The following MKX variants were observed in gnomAD, a reference collection of about 807,000 sequenced individuals.
The protein encoded by MKX is mohawk homeobox.
A neutral mutation model predicts 36.0 loss-of-function variants in MKX; 13 were observed. That is an observed-to-expected ratio of 0.36 (90% confidence interval 0.24 to 0.57). The LOEUF (loss-of-function observed/expected upper bound fraction) is 0.57, where lower values mean the gene tolerates loss of function less well. Ranked by LOEUF, MKX falls within the 20% of genes least tolerant of loss-of-function variation. The probability of loss-of-function intolerance (pLI) is 0.79; values close to 1 mark genes in which losing one functional copy is unlikely to be tolerated. For synonymous variants in MKX, 176 were observed against 178.3 expected (o/e 0.99, Z 0.10); for missense variants, 458 against 456.4 (o/e 1.00, Z -0.03).
At position 27,742,122 on chromosome 10, in the gene MKX, A is replaced by G. The variant is rs1239602057; in HGVS notation, c.189-618T>C. On this transcript the variant is annotated intron_variant, in intron 2 of 6. Coordinates refer to ENST00000419761, the MANE Select transcript of MKX (RefSeq NM_173576.3). The surrounding 1 kb of genome is among the most constrained non-coding windows in gnomAD (Gnocchi z 4.2). ...GAGGAAAGCTGCAGAACCCAAAAACACCGTCGGGCCGTTTCCCGACTAAGG... is the reference window on the plus strand; with the variant it reads ...GAGGAAAGCTGCAGAACCCAAAAACGCCGTCGGGCCGTTTCCCGACTAAGG... Among the ~76,000 whole-genome samples the G allele has an allele frequency of 6.6e-6, 1 of 152,212 alleles. No homozygotes were observed. Among genetic ancestry groups the G allele is most frequent in the East Asian group, 1.9e-4 (1 of 5,158 alleles).
At position 27,742,707 on chromosome 10, in the gene MKX, C is replaced by G. The variant is rs1293496680; in HGVS notation, c.188+521G>C. ...CCTCCGGGTTCGCCGCGGGCCCAGCCGAGCCGCGCTCACGCCCGGGACTCC... is the reference window on the plus strand; with the variant it reads ...CCTCCGGGTTCGCCGCGGGCCCAGCGGAGCCGCGCTCACGCCCGGGACTCC... On this transcript the variant is annotated intron_variant, in intron 2 of 6. Coordinates refer to ENST00000419761, the MANE Select transcript of MKX (RefSeq NM_173576.3). The surrounding 1 kb of genome is among the most constrained non-coding windows in gnomAD (Gnocchi z 4.2). Among the ~76,000 whole-genome samples, 3 of 151,890 alleles carry G rather than the reference C, an allele frequency of 2.0e-5. No homozygotes were observed. The highest frequency in any genetic ancestry group is 2.1e-4 in the South Asian group (1 of 4,808).
At chr10:27,711,481 T>TTCTTTCTTTCTTTCTTTCTCTC (rs1554772187) in intron 5 of MKX, among the ~76,000 whole-genome samples, 3 of 17,680 alleles carry the variant, frequency 1.7e-4, no homozygotes, top group African/African-American at 4.8e-4. Flanking sequence ...CTTTCTTTCT[T>TTCTTTCTTTCTTTCTTTCTCTC]TCTCTCTCTC....
chr10:27,712,289 T>C (rs1031258917), intron 5 of MKX, among the ~76,000 whole-genome samples: 1 of 152,192 alleles, frequency 6.6e-6, no homozygotes, highest in Admixed American at 6.5e-5. Context: ...CCTACAATTA[T>C]AAACAGGTGT....
At chr10:27,687,993 C>T (rs1401716284) in intron 5 of MKX, among the ~76,000 whole-genome samples, 2 of 152,188 alleles carry the variant, frequency 1.3e-5, no homozygotes, top group Admixed American at 6.5e-5. Context: ...TGCACCTCTG[C>T]TCTCTCACTT....
At chr10:27,683,792 G>A (rs1226824211) in intron 5 of MKX, among the ~76,000 whole-genome samples, 1 of 152,230 alleles carries the variant, frequency 6.6e-6, no homozygotes, top group African/African-American at 2.4e-5. Context: ...AGACTCTGGT[G>A]AGTAGGGCAG....
chr10:27,719,471 G>A (rs1003382127), intron 5 of MKX, among the ~76,000 whole-genome samples: 4 of 152,124 alleles, frequency 2.6e-5, no homozygotes, highest in African/African-American at 9.7e-5. Flanking sequence ...GCAGCATAAA[G>A]CTGCTACAAA....
rs573972225 is a variant in MKX, at chr10:27,675,181, T to C, written c.*48A>G. 1 of 1,577,336 alleles carries C rather than the reference T, an allele frequency of 6.3e-7. No homozygotes were observed. The highest frequency in any genetic ancestry group is 1.2e-5 in the South Asian group (1 of 85,776). ...CTTCGGCTCTTAGGATGAGGGTTGA[T>C]GAAAACACCGGAAAGAACATCCATT... On this transcript the variant is annotated 3_prime_UTR_variant, in exon 7 of 7. Transcript: ENST00000419761.
chr10:27,723,976 CT>C (rs1337049430), intron 5 of MKX, among the ~76,000 whole-genome samples: 1 of 152,172 alleles, frequency 6.6e-6, no homozygotes, highest in Non-Finnish European at 1.5e-5. Flanking sequence ...GGAAATATCA[CT>C]TTATGAATGG....
At chr10:27,728,358 G>A (rs1159096280) in intron 5 of MKX, among the ~76,000 whole-genome samples, 8 of 152,204 alleles carry the variant, frequency 5.3e-5, no homozygotes, top group African/African-American at 9.7e-5. Flanking sequence ...CCCCCAAAAC[G>A]AAAGCTGAAA....
intron 5 of MKX, among the ~76,000 whole-genome samples, chr10:27,714,276 G>A (rs1212197704): frequency 6.6e-6 from 1 of 152,040 alleles, no homozygotes. Context: ...GAGCAGCTTG[G>A]AGCCATGTTT....
rs927567596 is a variant in MKX at position 27,745,789 on chromosome 10, T to C, written c.-165A>G. The C allele has an allele frequency of 3.9e-5, 6 of 152,988 alleles. No homozygotes were observed. The highest frequency in any genetic ancestry group is 3.3e-4 in the Admixed American group (5 of 15,308). 9.5% of individuals were successfully genotyped at this position (152,988 alleles called of 1,614,324 possible). On this transcript the variant is annotated 5_prime_UTR_variant, in exon 1 of 7. It removes an upstream start codon present in the reference 5' UTR. Coordinates refer to ENST00000419761, the MANE Select transcript of MKX (RefSeq NM_173576.3). ...TAGGCGCACTCCCATCCCCGCCGCATGTTCTCCACGCGGGCTCCAGCGCGC... is the reference window on the plus strand; with the variant it reads ...TAGGCGCACTCCCATCCCCGCCGCACGTTCTCCACGCGGGCTCCAGCGCGC...
intron 5 of MKX, among the ~76,000 whole-genome samples, chr10:27,706,545 C>CTGTG (rs60800576): frequency 0.2 from 29,507 of 144,762 alleles, 3,058 homozygotes; most frequent in East Asian, 0.28. Context: ...TCGTTAATTC[C>CTGTG]TGTGTGTGTG....
chr10:27,677,301 ACG>A (rs1836170624), intron 5 of MKX, among the ~76,000 whole-genome samples: 1 of 151,586 alleles, frequency 6.6e-6, no homozygotes, highest in African/African-American at 2.4e-5. Flanking sequence ...CCTTCCTTTT[ACG>A]CCCCCTGCCC....
At position 27,709,217 on chromosome 10, in the gene MKX, T is replaced by TA. The variant is rs548763927; in HGVS notation, c.838+25238dup. Among the ~76,000 whole-genome samples, 60 of 151,914 alleles carry TA rather than the reference T, an allele frequency of 3.9e-4. No individual in the cohort carries two copies. In the East Asian group the frequency reaches 0.011, roughly 28 times the overall value. On this transcript the variant is annotated intron_variant, in intron 5 of 6. Coordinates refer to ENST00000419761, the MANE Select transcript of MKX (RefSeq NM_173576.3). ...ACAACAATACAACAAAAAATACAGA[T>TA]AAAAAATACAGTTTATAATACAAAA...
At chr10:27,677,525 T>C (rs1176420033) in intron 5 of MKX, among the ~76,000 whole-genome samples, 1 of 152,174 alleles carries the variant, frequency 6.6e-6, no homozygotes, top group East Asian at 1.9e-4. Flanking sequence ...TATATGCCCA[T>C]GAGGCAGCCA....
chr10:27,684,177 T>C (rs1836302194), intron 5 of MKX, among the ~76,000 whole-genome samples: 1 of 151,818 alleles, frequency 6.6e-6, no homozygotes, highest in Non-Finnish European at 1.5e-5. Context: ...TAGCCAGGCA[T>C]GGTGGTGTGT....
At chr10:27,684,151 T>G (rs1836301845) in intron 5 of MKX, among the ~76,000 whole-genome samples, 1 of 151,964 alleles carries the variant, frequency 6.6e-6, no homozygotes, top group Admixed American at 6.6e-5. Flanking sequence ...CCGTGTCTAT[T>G]AAAAATTTTG....
At chr10:27,698,394 G>A (rs575608633) in intron 5 of MKX, among the ~76,000 whole-genome samples, 1 of 152,310 alleles carries the variant, frequency 6.6e-6, no homozygotes, top group Non-Finnish European at 1.5e-5. Flanking sequence ...CATGGCAGGA[G>A]CCCAGGGGAG....
chr10:27,720,965 T>C (rs1475722396), intron 5 of MKX, among the ~76,000 whole-genome samples: 1 of 152,100 alleles, frequency 6.6e-6, no homozygotes, highest in Non-Finnish European at 1.5e-5. Context: ...TCATCTGCAA[T>C]AGAAACAATA....
Sources: allele counts gnomAD v4.1 joint callset (sites outside exome capture counted in the v4.1 genomes callset), GRCh38; gene constraint gnomAD v4.1.1; non-coding constraint Gnocchi (gnomAD v3.1); transcripts MANE v1.5; gene names NCBI Gene and HGNC (gene_info 2026-07-23, HGNC 2026-07-21).